The following NLRC3 variants were observed in gnomAD, a reference collection of about 807,000 sequenced individuals.
The protein encoded by NLRC3 is NLR family CARD domain-containing protein 3.
NLRC3 carries 87 observed loss-of-function variants against 91.6 expected under a neutral mutation model. That is an observed-to-expected ratio of 0.95 (90% CI 0.80 to 1.14). NLRC3 has a LOEUF of 1.14. Ranked by LOEUF, NLRC3 falls within the 50% of genes most tolerant of loss-of-function variation. The pLI is 0.00. For synonymous variants in NLRC3, 694 were observed against 625.3 expected, an observed-to-expected ratio of 1.11 and a Z score of -1.64; for missense variants, 1,577 against 1,418.6, an observed-to-expected ratio of 1.11 and a Z score of -1.79.
intron 5 of NLRC3, among the ~76,000 whole-genome samples, chr16:3,562,350 G>A (rs1226126213): frequency 6.6e-6 from 1 of 152,178 alleles, no homozygotes; most frequent in Non-Finnish European, 1.5e-5. Context: ...TTTAAGACAA[G>A]AAAGCACTGG....
rs2039622675 is a variant in NLRC3 at position 3,561,754 on chromosome 16, C to G, written c.1963G>C (p.Glu655Gln). The G allele has an allele frequency of 1.2e-6, 2 of 1,613,492 alleles. No homozygotes were observed. The highest frequency in any genetic ancestry group is 2.7e-5 in the African/African-American group (2 of 74,944). The change falls in exon 6 of 20, where the codon GAG becomes CAG. Residue 655 changes from glutamate to glutamine, a missense_variant. Coordinates refer to ENST00000359128, the MANE Select transcript of NLRC3 (RefSeq NM_178844.4). ...CCACTCAGCACGCTGCCCAGCAGCT[C>G]CATCACGGGGTCCTGGAACTGGTTG... The part of the protein sequence containing the change: ...DTNQFQDPVM[E>Q]LLGSVLSGKD...
intron 1 of NLRC3, among the ~76,000 whole-genome samples, chr16:3,569,147 C>T (rs1265140955): frequency 6.6e-6 from 1 of 151,812 alleles, no homozygotes; most frequent in Non-Finnish European, 1.5e-5. Flanking sequence ...AACCCCATCT[C>T]TACTAAAAAT....
At chr16:3,562,934 G>T in intron 5 of NLRC3, 75 bp downstream of exon 5, 3 of 1,302,870 alleles carry the variant, frequency 2.3e-6, no homozygotes, top group Non-Finnish European at 3.2e-6. Flanking sequence ...AGAGAAGCTT[G>T]GTGGTGGGGA....
intron 5 of NLRC3, 48 bp from the exon 6 acceptor site, chr16:3,561,836 AG>A: frequency 7.0e-7 from 1 of 1,421,294 alleles, no homozygotes. Context: ...GCCCACGGGC[AG>A]GGTGGGGGCC....
chr16:3,553,914 T>C (rs2039151124), intron 9 of NLRC3, among the ~76,000 whole-genome samples: 1 of 150,836 alleles, frequency 6.6e-6, no homozygotes, highest in Non-Finnish European at 1.5e-5. Flanking sequence ...GTTAATTTTT[T>C]TTTTTTTTTT....
chr16:3,553,775 G>T (rs892852082), intron 9 of NLRC3, among the ~76,000 whole-genome samples: 1 of 148,916 alleles, frequency 6.7e-6, no homozygotes, highest in Non-Finnish European at 1.5e-5. Context: ...ACAGAGTCTC[G>T]CTGTCGCCCA....
At chr16:3,577,043 C>A in intron 1 of NLRC3, 106 bp downstream of exon 1, 2 of 698,142 alleles carry the variant, frequency 2.9e-6, no homozygotes, top group East Asian at 2.7e-5. Flanking sequence ...GGAGTCTCCC[C>A]AGTCCCCCTC....
intron 10 of NLRC3, 37 bp from the exon 11 acceptor site, chr16:3,550,534 G>A: frequency 6.7e-7 from 1 of 1,485,268 alleles, no homozygotes; most frequent in Non-Finnish European, 9.4e-7. Context: ...CAGCCTCTGG[G>A]AGCTGCCAGG....
chr16:3,561,694 T>C lies in NLRC3; in HGVS notation c.2015+8A>G. On this transcript the variant is annotated splice_region_variant and intron_variant, in intron 6 of 19. Coordinates refer to ENST00000359128, the MANE Select transcript of NLRC3 (RefSeq NM_178844.4). The stretch of plus-strand genomic sequence containing the variant: ...AGGCACCCTGGAGGTCCCCTGGGTC[T>C]GTGTTACCTGATCTTCTGAATGCGA... 3 of 1,602,232 alleles carry C rather than the reference T, an allele frequency of 1.9e-6. No homozygotes were observed. The South Asian group carries it at 3.3e-5, about 18-fold the overall frequency.
In NLRC3 at chr16:3,577,210, C is replaced by T. The variant is rs1433197694; in HGVS notation, c.-230G>A. On this transcript the variant is annotated 5_prime_UTR_variant, in exon 1 of 20. Transcript: ENST00000359128. ...CTGGGGGGCCTGGGGGCGTCCATCT[C>T]CATGCTCCTGGGCTCAGCCCTGCTC... 4.3e-6 allele frequency: 3 copies of T among 702,912 alleles called. No individual in the cohort carries two copies. Among genetic ancestry groups the T allele is most frequent in the Non-Finnish European group, 7.8e-6 (3 of 385,016 alleles). The allele number at this position is 702,912 out of a possible 1,614,324, so 43.5% of individuals were successfully genotyped here. A position where few individuals can be genotyped will look rare whatever the true frequency, so the allele number is the denominator to read the frequency against.
chr16:3,562,138 G>T (rs1230693475), intron 5 of NLRC3, among the ~76,000 whole-genome samples: 1 of 152,176 alleles, frequency 6.6e-6, no homozygotes. Context: ...AAAGCATTCA[G>T]CGGGTGTGCA....
rs144272656 is a variant in NLRC3, at chr16:3,552,241, C to T, written c.2306G>A (p.Arg769Gln). 12,676 of 1,613,628 alleles carry T rather than the reference C, an allele frequency of 7.9e-3. 1,068 individuals are homozygous for T. In the Admixed American group the frequency reaches 0.17, roughly 21 times the overall value. ...GTTCTGCTTCAAGGCATCTGCCATC[C>T]GCTGGGCTCCCATGGGCCCGATGCT... ...KNSIGPMGAQ[R>Q]MADALKQNRS... The change falls in exon 10 of 20, where the codon CGG becomes CAG. Residue 769 changes from arginine to glutamine, a missense_variant. By Grantham distance (43) the Arg-to-Gln change is conservative (BLOSUM62 1). Transcript: ENST00000359128.
intron 16 of NLRC3, chr16:3,543,813 T>C: frequency 2.5e-6 from 1 of 404,972 alleles, no homozygotes; most frequent in Non-Finnish European, 4.5e-6. Flanking sequence ...AATATCATAT[T>C]TCCTATATTA....
intron 10 of NLRC3, 89 bp downstream of exon 10, chr16:3,552,107 A>C (rs1020789575): frequency 1.2e-6 from 1 of 816,578 alleles, no homozygotes; most frequent in African/African-American, 1.7e-5. Flanking sequence ...CAATCCATCC[A>C]TCCATCCTCA....
intron 1 of NLRC3, among the ~76,000 whole-genome samples, chr16:3,572,173 T>G (rs964020541): frequency 6.6e-6 from 1 of 151,920 alleles, no homozygotes; most frequent in Non-Finnish European, 1.5e-5. Context: ...ACCAAGATAT[T>G]GAAAAGATGC....
rs759568706 is a variant in NLRC3 at position 3,564,974 on chromosome 16, TG to T, written c.62del (p.Pro21GlnfsTer5). On this transcript the variant is annotated frameshift_variant, in exon 4 of 20. Transcript: ENST00000359128. LOFTEE classifies it high-confidence loss of function. The surrounding 1 kb of genome is among the most constrained non-coding windows in gnomAD (Gnocchi z 5.9). The part of the protein sequence containing the change: ...EAGQGHGTGS[P>X]AEQVKALMDL... ...CCATGAGGGCTTTCACCTGCTCGGC[TG>T]GGGAGCCCGTACCGTGGCCCTGGCC... 36 of 1,610,508 alleles carry T rather than the reference TG, an allele frequency of 2.2e-5. No homozygotes were observed. The highest frequency in any genetic ancestry group is 2.0e-4 in the South Asian group (18 of 91,038).
At chr16:3,548,937 G>A (rs932515712) in intron 13 of NLRC3, among the ~76,000 whole-genome samples, 184 bp from the exon 14 acceptor site, 6 of 152,214 alleles carry the variant, frequency 3.9e-5, no homozygotes, top group African/African-American at 1.4e-4. Context: ...TGAAGCAGAC[G>A]GCGTCACACT....
At chr16:3,561,905 G>C (rs1352761470) in intron 5 of NLRC3, 117 bp from the exon 6 acceptor site, 1 of 728,360 alleles carries the variant, frequency 1.4e-6, no homozygotes, top group East Asian at 2.6e-5. Context: ...GCAGCTCTGA[G>C]ATCTGCGCTC....
chr16:3,554,176 C>T (rs1240247804), intron 9 of NLRC3, 66 bp downstream of exon 9: 33 of 1,235,502 alleles, frequency 2.7e-5, no homozygotes, highest in Non-Finnish European at 3.3e-5. Context: ...AGGTAATAGG[C>T]AGAGAGGCCC....
Sources: gnomAD v4.1 joint callset for allele counts (sites outside exome capture counted in the v4.1 genomes callset) on GRCh38, gnomAD v4.1.1 for gene constraint, Gnocchi (gnomAD v3.1) non-coding constraint, MANE v1.5 for transcripts, NCBI Gene and HGNC (gene_info 2026-07-23, HGNC 2026-07-21) for gene names.